The following CCDC39 variants were observed in gnomAD, a reference collection of about 807,000 sequenced individuals.
The protein encoded by CCDC39 is coiled-coil domain-containing protein 39.
A neutral mutation model predicts 121.0 loss-of-function variants in CCDC39; 113 were observed. The ratio of observed to expected loss-of-function variants is 0.93; its 90% CI spans 0.80 to 1.09. The LOEUF (loss-of-function observed/expected upper bound fraction) is 1.09. Ranked by LOEUF, CCDC39 falls within the 50% of genes least tolerant of loss-of-function variation. CCDC39 has a pLI of 0.00. For missense variants in CCDC39, 1,063 were observed against 1,074.7 expected, an observed-to-expected ratio of 0.99 and a Z score of 0.15; for synonymous variants, 349 against 352.2, an observed-to-expected ratio of 0.99 and a Z score of 0.10.
chr3:180,619,265 G>A lies in CCDC39; in HGVS notation c.2259C>T (p.Asp753=). 1 of 1,501,610 alleles carries A rather than the reference G, an allele frequency of 6.7e-7. No homozygotes were observed. The highest frequency in any genetic ancestry group is 1.2e-5 in the South Asian group (1 of 82,864). The allele number at this position is 1,501,610 out of a possible 1,614,324, so 93.0% of individuals were successfully genotyped here. Residue 753 remains aspartate, a synonymous_variant, in exon 16 of 20, where the codon GAC becomes GAT. Transcript: ENST00000476379. ...KQRQIRELQE[D]IQSMENTLDV... ...AAATGCCTGTAGAATTTACCTGGAT[G>A]TCTTCTTGAAGTTCTCTGATTTGTC...
In CCDC39 at chr3:180,616,266, T is replaced by TA; in HGVS notation, c.2669+14dup. ...TGTGAGAGTTAAGCAGATTTTTTTTTAACCCTCCGCTTACCTTGCTGATAG... is the reference window on the plus strand; with the variant it reads ...TGTGAGAGTTAAGCAGATTTTTTTTTAAACCCTCCGCTTACCTTGCTGATAG... On this transcript the variant is annotated intron_variant, in intron 19 of 19. Coordinates refer to ENST00000476379, the MANE Select transcript of CCDC39 (RefSeq NM_181426.2). 6.2e-7 allele frequency: 1 copy of TA among 1,610,540 alleles called. No homozygotes were observed. Among genetic ancestry groups the TA allele is most frequent in the Non-Finnish European group, 8.5e-7 (1 of 1,177,202 alleles).
intron 2 of CCDC39, among the ~76,000 whole-genome samples, chr3:180,663,187 G>A (rs1711784238): frequency 6.6e-6 from 1 of 152,064 alleles, no homozygotes. Context: ...ACAATGCTAA[G>A]ATGTGTAGAC....
chr3:180,634,388 C>A (rs1195451494), intron 13 of CCDC39, among the ~76,000 whole-genome samples: 1 of 152,136 alleles, frequency 6.6e-6, no homozygotes, highest in Non-Finnish European at 1.5e-5. Flanking sequence ...CATAAACACC[C>A]ACTGCTCATC....
At chr3:180,671,348 A>G (rs971992408) in intron 1 of CCDC39, among the ~76,000 whole-genome samples, 1 of 152,148 alleles carries the variant, frequency 6.6e-6, no homozygotes, top group African/African-American at 2.4e-5. Context: ...GGGTATAAAT[A>G]TGACTGCAAA....
rs752850686 is a variant in CCDC39, at chr3:180,616,310, T to C, written c.2640A>G (p.Arg880=). ...ASTKGSRQSS[R]SPSHTSLSAR... is the part of the protein sequence containing the mutation. ...CTGATAGTGAAGTATGTGAAGGAGA[T>C]CTAGAGCTCTGACGACTGCCTTTTG... Residue 880 remains arginine, a synonymous_variant, in exon 19 of 20, where the codon AGA becomes AGG. Coordinates refer to ENST00000476379, the MANE Select transcript of CCDC39 (RefSeq NM_181426.2). 4 of 1,613,412 alleles carry C rather than the reference T, an allele frequency of 2.5e-6. No individual in the cohort carries two copies. The South Asian group carries it at 4.4e-5, about 18-fold the overall frequency.
At chr3:180,660,192 T>C (rs573611884) in intron 4 of CCDC39, among the ~76,000 whole-genome samples, 74 of 152,208 alleles carry the variant, frequency 4.9e-4, no homozygotes, top group South Asian at 2.7e-3. Flanking sequence ...CAGCAAAAAC[T>C]ACATGTAATA....
At chr3:180,641,096 A>C (rs1352606099) in intron 13 of CCDC39, among the ~76,000 whole-genome samples, 2 of 152,112 alleles carry the variant, frequency 1.3e-5, no homozygotes, top group African/African-American at 2.4e-5. Flanking sequence ...AGTTGGGTTT[A>C]TTCTAGAATG....
chr3:180,621,012 ATGG>A (rs1717417577), intron 14 of CCDC39, among the ~76,000 whole-genome samples: 2 of 152,008 alleles, frequency 1.3e-5, no homozygotes, highest in Non-Finnish European at 2.9e-5. Flanking sequence ...GTGAGAACAT[ATGG>A]TATTTGTTTT....
chr3:180,650,727 C>T (rs771398114), intron 9 of CCDC39, among the ~76,000 whole-genome samples: 12 of 149,596 alleles, frequency 8.0e-5, no homozygotes, highest in African/African-American at 2.5e-4. Context: ...TGTGGTGGCA[C>T]GCGCCTGTAA....
At chr3:180,659,610 G>C (rs1348220002) in intron 5 of CCDC39, 30 bp from the exon 6 acceptor site, 1 of 1,605,340 alleles carries the variant, frequency 6.2e-7, no homozygotes, top group African/African-American at 1.3e-5. Flanking sequence ...GAACATTTCT[G>C]TGAATTTAAG....
In CCDC39 at chr3:180,659,546, T is replaced by C. The variant is rs376300013; in HGVS notation, c.644A>G (p.Lys215Arg). ...ELDKAAQDFRKIHNERQELIK... is the reference protein window; with the variant it reads ...ELDKAAQDFRRIHNERQELIK... Reference sequence around the variant, plus strand: ...GAGTTCTTGTCTTTCATTATGAATCTTACGAAAATCTTGTGCTGCTTTATC... The same window carrying C: ...GAGTTCTTGTCTTTCATTATGAATCCTACGAAAATCTTGTGCTGCTTTATC... Residue 215 changes from lysine to arginine, a missense_variant, in exon 6 of 20, where the codon AAG (lysine) becomes AGG (arginine). Coordinates refer to ENST00000476379, the MANE Select transcript of CCDC39 (RefSeq NM_181426.2). 1.9e-6 allele frequency: 3 copies of C among 1,613,278 alleles called. No individual in the cohort carries two copies. Among genetic ancestry groups the C allele is most frequent in the Non-Finnish European group, 2.5e-6 (3 of 1,179,606 alleles).
At chr3:180,650,268 A>G (rs1305838430) in intron 9 of CCDC39, among the ~76,000 whole-genome samples, 1 of 152,218 alleles carries the variant, frequency 6.6e-6, no homozygotes, top group Non-Finnish European at 1.5e-5. Context: ...AGAAGGTGCC[A>G]GTAGAATTAG....
intron 11 of CCDC39, among the ~76,000 whole-genome samples, chr3:180,646,833 A>C (rs748407047): frequency 3.3e-5 from 5 of 152,112 alleles, no homozygotes; most frequent in Non-Finnish European, 7.4e-5. Context: ...TCCTCACAAG[A>C]CATCTGTAAG....
At chr3:180,655,584 G>A (rs897432279) in intron 6 of CCDC39, among the ~76,000 whole-genome samples, 6 of 151,846 alleles carry the variant, frequency 4.0e-5, no homozygotes, top group Non-Finnish European at 5.9e-5. Flanking sequence ...GAAAAAAGAC[G>A]TGCCCAAGAG....
intron 13 of CCDC39, among the ~76,000 whole-genome samples, chr3:180,634,554 C>G (rs1717781295): frequency 6.6e-6 from 1 of 152,130 alleles, no homozygotes; most frequent in Non-Finnish European, 1.5e-5. Flanking sequence ...CCTTATTCAG[C>G]TGCCTCCAAG....
chr3:180,626,002 G>A (rs575721500), intron 14 of CCDC39, among the ~76,000 whole-genome samples: 82 of 152,108 alleles, frequency 5.4e-4, no homozygotes, highest in African/African-American at 1.7e-3. Flanking sequence ...TGGTGGGCCC[G>A]ACATGCAGGC....
At position 180,632,664 on chromosome 3, in the gene CCDC39, G is replaced by T. The variant is rs1023702071; in HGVS notation, c.1875-1072C>A. Among the ~76,000 whole-genome samples the T allele has an allele frequency of 2.6e-5, 4 of 151,980 alleles. No individual in the cohort carries two copies. The South Asian group carries it at 6.2e-4, about 24-fold the overall frequency. On this transcript the variant is annotated intron_variant, in intron 13 of 19. Transcript: ENST00000476379. Reference sequence around the variant, plus strand: ...AAAAACAGCAACATAGCAGTTCTGAGAATCAGAAAGGTACAATAATTTTTC... The same window carrying T: ...AAAAACAGCAACATAGCAGTTCTGATAATCAGAAAGGTACAATAATTTTTC...
Position 180,660,697 on chromosome 3 carries a change from T to A in CCDC39, c.389A>T (p.Asp130Val). ...NGIFKATQKL[D>V]GLKCQMNWDQ... is the part of the protein sequence containing the mutation. ...CCAGTTCATTTGACATTTCAAACCA[T>A]CCAATTTTTGAGTGGCTTTAAATAT... The change falls in exon 4 of 20, where the codon GAT becomes GTT. Residue 130 changes from aspartate (D) to valine (V), a missense_variant. Physicochemically the swap from Asp to Val is radical, Grantham distance 152 (BLOSUM62 -3). Coordinates refer to ENST00000476379, the MANE Select transcript of CCDC39 (RefSeq NM_181426.2). 1.2e-6 allele frequency: 2 copies of A among 1,602,754 alleles called. No individual in the cohort carries two copies. The highest frequency in any genetic ancestry group is 1.7e-6 in the Non-Finnish European group (2 of 1,173,808).
chr3:180,677,623 A>G (rs1712273345), intron 1 of CCDC39, among the ~76,000 whole-genome samples: 1 of 152,144 alleles, frequency 6.6e-6, no homozygotes. Context: ...TCTTGTGATC[A>G]AGTAATATTT....
Sources: allele counts gnomAD v4.1 joint callset (sites outside exome capture counted in the v4.1 genomes callset), GRCh38; gene constraint gnomAD v4.1.1; transcripts MANE v1.5; gene names NCBI Gene and HGNC (gene_info 2026-07-23, HGNC 2026-07-21).